The following ENTREP2 variants were observed in gnomAD, a reference collection of about 807,000 sequenced individuals.
The protein encoded by ENTREP2 is endosomal transmembrane epsin interactor 2.
chr15:29,386,318 A>ATGCC, the ENTREP2 span, among the ~76,000 whole-genome samples: 6 of 152,268 alleles, frequency 3.9e-5, no homozygotes, highest in Middle Eastern at 3.4e-3. Context: ...ACCCTAGACG[A>ATGCC]TGCCGTGGAG....
At chr15:29,223,938 C>T in the ENTREP2 span, among the ~76,000 whole-genome samples, 26 of 152,160 alleles carry the variant, frequency 1.7e-4, no homozygotes, top group Non-Finnish European at 3.5e-4. Context: ...CCCCAGCTCG[C>T]GCCCAGCTCT....
the ENTREP2 span, among the ~76,000 whole-genome samples, chr15:29,425,930 C>T: frequency 1.3e-5 from 2 of 151,342 alleles, no homozygotes; most frequent in African/African-American, 4.8e-5. Flanking sequence ...TAATTGCTTA[C>T]TTCTGCAGTA....
the ENTREP2 span, chr15:29,195,191 G>A: frequency 2.0e-6 from 2 of 985,298 alleles, no homozygotes; most frequent in Non-Finnish European, 1.2e-6. Context: ...ACTCTGGTGA[G>A]CTGCTGGGAC....
the ENTREP2 span, among the ~76,000 whole-genome samples, chr15:29,334,108 G>T: frequency 6.6e-6 from 1 of 152,158 alleles, no homozygotes; most frequent in African/African-American, 2.4e-5. Flanking sequence ...AATTTCTGTT[G>T]CTTAAGCCAC....
chr15:29,482,164 A>ATTTTTTTTTTTTTTT, the ENTREP2 span, among the ~76,000 whole-genome samples: 2 of 135,260 alleles, frequency 1.5e-5, no homozygotes, highest in African/African-American at 2.8e-5. Flanking sequence ...CAGGCAGCTA[A>ATTTTTTTTTTTTTTT]TTTTTTTTTT....
At chr15:29,152,031 C>T in the ENTREP2 span, among the ~76,000 whole-genome samples, 2 of 152,124 alleles carry the variant, frequency 1.3e-5, no homozygotes, top group African/African-American at 2.4e-5. Flanking sequence ...TCGTTTATTC[C>T]GTTACAATGA....
At chr15:29,622,459 C>T in the ENTREP2 span, among the ~76,000 whole-genome samples, 11 of 152,108 alleles carry the variant, frequency 7.2e-5, no homozygotes, top group Non-Finnish European at 1.5e-4. Flanking sequence ...CTGCTGGCCT[C>T]GGCCTCCCAA....
chr15:29,152,290 T>C, the ENTREP2 span, among the ~76,000 whole-genome samples: 22,658 of 152,136 alleles, frequency 0.15, 3,116 homozygotes, highest in African/African-American at 0.36. Context: ...ATGGTAACAT[T>C]TGGCAAATCT....
chr15:29,191,196 C>G, the ENTREP2 span, among the ~76,000 whole-genome samples: 7 of 152,092 alleles, frequency 4.6e-5, no homozygotes, highest in Non-Finnish European at 8.8e-5. Context: ...TATGAGAAAA[C>G]TAGATAATGT....
the ENTREP2 span, among the ~76,000 whole-genome samples, chr15:29,626,347 G>C: frequency 6.6e-6 from 1 of 152,164 alleles, no homozygotes; most frequent in African/African-American, 2.4e-5. Flanking sequence ...CCCCCATACT[G>C]TTCTTGTGGT....
the ENTREP2 span, among the ~76,000 whole-genome samples, chr15:29,229,613 A>G: frequency 6.6e-6 from 1 of 152,094 alleles, no homozygotes; most frequent in Non-Finnish European, 1.5e-5. Flanking sequence ...ACCTTTTGGG[A>G]GTTGGTATCA....
the ENTREP2 span, among the ~76,000 whole-genome samples, chr15:29,433,782 A>G: frequency 0.18 from 61 of 332 alleles, 1 homozygote; most frequent in Non-Finnish European, 0.3. Flanking sequence ...CCTCCATGGG[A>G]AAAAAAAAAA....
At chr15:29,196,469 C>T in the ENTREP2 span, 520 of 1,551,688 alleles carry the variant, frequency 3.4e-4, 2 homozygotes, top group African/African-American at 6.5e-3. Context: ...TCTCCTGCAG[C>T]GGGTTCAGCT....
chr15:29,423,868 G>C, the ENTREP2 span, among the ~76,000 whole-genome samples: 10,113 of 152,184 alleles, frequency 0.066, 441 homozygotes, highest in Non-Finnish European at 0.1. Context: ...ATATATCACA[G>C]ACGTATGTGG....
chr15:29,187,821 G>A, the ENTREP2 span, among the ~76,000 whole-genome samples: 2 of 152,250 alleles, frequency 1.3e-5, no homozygotes, highest in African/African-American at 4.8e-5. Context: ...GCCAGGTCAG[G>A]CTGGTGACCA....
the ENTREP2 span, among the ~76,000 whole-genome samples, chr15:29,201,530 C>A: frequency 1.3e-5 from 2 of 152,138 alleles, no homozygotes; most frequent in Non-Finnish European, 2.9e-5. Flanking sequence ...ATTGATACAG[C>A]CATGCAGTTT....
the ENTREP2 span, among the ~76,000 whole-genome samples, chr15:29,272,057 G>A: frequency 6.6e-6 from 1 of 152,258 alleles, no homozygotes; most frequent in Non-Finnish European, 1.5e-5. Flanking sequence ...CCAGCAGCAC[G>A]CTTACCTAGA....
the ENTREP2 span, among the ~76,000 whole-genome samples, chr15:29,557,537 G>C: frequency 6.6e-6 from 1 of 152,200 alleles, no homozygotes; most frequent in South Asian, 2.1e-4. Context: ...AGAGACCGCT[G>C]CTGGAACCAA....
At chr15:29,621,279 T>C in the ENTREP2 span, among the ~76,000 whole-genome samples, 1 of 151,448 alleles carries the variant, frequency 6.6e-6, no homozygotes, top group African/African-American at 2.4e-5. Flanking sequence ...ATCCCAGCAC[T>C]ATGGGAGGCC....
Sources: allele counts gnomAD v4.1 joint callset (sites outside exome capture counted in the v4.1 genomes callset), GRCh38; gene constraint gnomAD v4.1.1; transcripts MANE v1.5; gene names NCBI Gene and HGNC (gene_info 2026-07-23, HGNC 2026-07-21).